The following PIK3C2B variants were observed in gnomAD, a reference collection of about 807,000 sequenced individuals.
PIK3C2B encodes the protein phosphatidylinositol-4-phosphate 3-kinase catalytic subunit type 2 beta, also known as phosphatidylinositol 4-phosphate 3-kinase C2 domain-containing subunit beta.
A neutral mutation model predicts 184.3 loss-of-function variants in PIK3C2B; 83 were observed. The ratio of observed to expected loss-of-function variants is 0.45; its 90% CI spans 0.38 to 0.54. The LOEUF (loss-of-function observed/expected upper bound fraction) is 0.54. PIK3C2B is among the 20% of genes least tolerant of loss of function. PIK3C2B has a pLI of 0.00. For missense variants in PIK3C2B, 1,736 were observed against 2,113.5 expected (o/e 0.82, Z 3.50); for synonymous variants, 779 against 837.6 (o/e 0.93, Z 1.21).
intron 1 of PIK3C2B, among the ~76,000 whole-genome samples, chr1:204,476,342 C>T (rs367962031): frequency 1.2e-4 from 18 of 151,900 alleles, no homozygotes; most frequent in African/African-American, 3.9e-4. Context: ...GAAGCCGAGG[C>T]GGGGGGATTG....
chr1:204,433,909 C>T lies in PIK3C2B; in HGVS notation c.3727G>A (p.Val1243Ile). The T allele has an allele frequency of 6.2e-7, 1 of 1,614,066 alleles. No individual in the cohort carries two copies. The highest frequency in any genetic ancestry group is 8.5e-7 in the Non-Finnish European group (1 of 1,179,978). ...GAAGGCTTGTCACCCCCGTTGATGA[C>T]ATACGCCATGTCCGAGGTGAAGACA... ...PFVFTSDMAY[V>I]INGGDKPSSR... Residue 1243 changes from valine to isoleucine, a missense_variant, in exon 25 of 33, where the codon GTC (valine) becomes ATC (isoleucine). Val to Ile is a conservative substitution (Grantham distance 29). Coordinates refer to ENST00000684373, the MANE Select transcript of PIK3C2B (RefSeq NM_001377334.1). The surrounding 1 kb of genome is among the most constrained non-coding windows in gnomAD (Gnocchi z 5.0).
rs1674604181 is a variant in PIK3C2B, at chr1:204,423,703, G to A, written c.*1149C>T. ...GACTAAATAGGTTTATGGCCCCACA[G>A]AATGAGGAAAAGTCTTATAAAAAGG... On this transcript the variant is annotated 3_prime_UTR_variant, in exon 33 of 33. Transcript: ENST00000684373. 6.6e-6 allele frequency: 1 copy of A among 152,656 alleles called. No individual in the cohort carries two copies. The allele number at this position is 152,656 out of a possible 1,614,324, so 9.5% of individuals were successfully genotyped here. A position where few individuals can be genotyped will look rare whatever the true frequency, so the allele number is the denominator to read the frequency against.
chr1:204,464,208 C>T, intron 4 of PIK3C2B, 76 bp from the exon 5 acceptor site: 2 of 1,529,970 alleles, frequency 1.3e-6, no homozygotes, highest in Non-Finnish European at 1.8e-6. Flanking sequence ...CACCCTGATC[C>T]CCCTTTCCAG....
intron 16 of PIK3C2B, among the ~76,000 whole-genome samples, chr1:204,445,406 C>A (rs1653765796): frequency 6.6e-6 from 1 of 151,930 alleles, no homozygotes; most frequent in Non-Finnish European, 1.5e-5. Flanking sequence ...CCAGCCTGGG[C>A]AACATAGTGA....
At chr1:204,428,453 T>C (rs1038225152) in intron 29 of PIK3C2B, among the ~76,000 whole-genome samples, 60 of 152,234 alleles carry the variant, frequency 3.9e-4, no homozygotes, top group African/African-American at 1.4e-3. Context: ...GTAGTTACTT[T>C]AAAAACAAGA....
At chr1:204,440,784 T>C (rs1558239770) in intron 21 of PIK3C2B, among the ~76,000 whole-genome samples, 1 of 149,398 alleles carries the variant, frequency 6.7e-6, no homozygotes, top group African/African-American at 2.5e-5. Context: ...TATATATATA[T>C]ATATTTTTAG....
intron 7 of PIK3C2B, 21 bp downstream of exon 7, chr1:204,460,303 C>G: frequency 1.9e-6 from 3 of 1,592,530 alleles, no homozygotes; most frequent in Non-Finnish European, 2.6e-6. Flanking sequence ...GGAGCACATC[C>G]AAGATGGTGC....
At chr1:204,432,427 T>C (rs748105963) in intron 26 of PIK3C2B, 26 bp from the exon 27 acceptor site, 24 of 1,604,876 alleles carry the variant, frequency 1.5e-5, no homozygotes, top group African/African-American at 2.7e-5. Flanking sequence ...GAAAAGAGGA[T>C]ATAACCATGA....
In PIK3C2B at chr1:204,469,900, G is replaced by A. The variant is rs571378289; in HGVS notation, c.-84-14C>T. On this transcript the variant is annotated splice_polypyrimidine_tract_variant and intron_variant, in intron 1 of 32. Transcript: ENST00000684373. ...GTGTCTGGGCGCCTGCAGGTGAGGGGTAAAAATATCAATCAGTCACAAAGA... is the reference window on the plus strand; with the variant it reads ...GTGTCTGGGCGCCTGCAGGTGAGGGATAAAAATATCAATCAGTCACAAAGA... 3.0e-5 allele frequency: 21 copies of A among 699,206 alleles called. No homozygotes were observed. The East Asian group carries it at 3.7e-4, about 12-fold the overall frequency. The allele number at this position is 699,206 out of a possible 1,614,324, so 43.3% of individuals were successfully genotyped here. A position where few individuals can be genotyped will look rare whatever the true frequency, so the allele number is the denominator to read the frequency against.
chr1:204,445,235 G>A (rs1340259542), intron 16 of PIK3C2B, among the ~76,000 whole-genome samples: 7 of 149,650 alleles, frequency 4.7e-5, no homozygotes, highest in Admixed American at 2.0e-4. Context: ...AACAAACATC[G>A]AGCTCTAGTT....
Position 204,444,299 on chromosome 1 carries a change from A to G in PIK3C2B, c.2772+32T>C, listed in dbSNP as rs770886146. ...CACTTGGGATACTGGGGATGGGACC[A>G]GCAAAACTGGAGGGAGGACCAATCC... On this transcript the variant is annotated intron_variant, in intron 17 of 32. Transcript: ENST00000684373. 3 of 1,579,040 alleles carry G rather than the reference A, an allele frequency of 1.9e-6. No homozygotes were observed. In the South Asian group the frequency reaches 3.3e-5, roughly 17 times the overall value.
chr1:204,440,999 T>C (rs1053075351), intron 21 of PIK3C2B, among the ~76,000 whole-genome samples: 5 of 152,198 alleles, frequency 3.3e-5, no homozygotes, highest in African/African-American at 1.2e-4. Flanking sequence ...GTCACATGCA[T>C]GTATTTTGTC....
At chr1:204,449,738 C>T (rs2103489386) in intron 13 of PIK3C2B, 112 bp downstream of exon 13, 1 of 973,690 alleles carries the variant, frequency 1.0e-6, no homozygotes, top group South Asian at 1.8e-5. Flanking sequence ...CCAGTGAGCC[C>T]CACATGGCCA....
intron 8 of PIK3C2B, among the ~76,000 whole-genome samples, chr1:204,458,549 A>G (rs1287904311): frequency 6.7e-6 from 1 of 150,314 alleles, no homozygotes; most frequent in Non-Finnish European, 1.5e-5. Flanking sequence ...GCTAGAGTGC[A>G]ATGGCGCGAT....
chr1:204,434,806 CTT>C (rs941598474), intron 23 of PIK3C2B, among the ~76,000 whole-genome samples, 198 bp from the exon 24 acceptor site: 1 of 152,198 alleles, frequency 6.6e-6, no homozygotes, highest in Non-Finnish European at 1.5e-5. Context: ...TCTCCCATGT[CTT>C]ATGGAAAAGA....
chr1:204,456,951 A>C, intron 10 of PIK3C2B, 86 bp downstream of exon 10: 5 of 1,108,642 alleles, frequency 4.5e-6, no homozygotes, highest in Non-Finnish European at 6.6e-6. Flanking sequence ...ACATAAATCA[A>C]GGGGCCCAGG....
At chr1:204,432,563 A>C (rs1348370630) in intron 26 of PIK3C2B, among the ~76,000 whole-genome samples, 162 bp from the exon 27 acceptor site, 1 of 152,164 alleles carries the variant, frequency 6.6e-6, no homozygotes, top group Non-Finnish European at 1.5e-5. Context: ...ACTGGCACAC[A>C]ATAATCTCAT....
At chr1:204,472,064 G>A (rs772804791) in intron 1 of PIK3C2B, among the ~76,000 whole-genome samples, 2 of 152,198 alleles carry the variant, frequency 1.3e-5, no homozygotes, top group South Asian at 2.1e-4. Flanking sequence ...AAGCCATGAC[G>A]TGAACAGAGT....
At position 204,464,431 on chromosome 1, in the gene PIK3C2B, T is replaced by G; in HGVS notation, c.1189+19A>C. 2 of 1,607,794 alleles carry G rather than the reference T, an allele frequency of 1.2e-6. No homozygotes were observed. The highest frequency in any genetic ancestry group is 1.7e-6 in the Non-Finnish European group (2 of 1,175,732). On this transcript the variant is annotated intron_variant, in intron 4 of 32. Transcript: ENST00000684373. ...CACTTCAAGGGATGCTCACATCCTC[T>G]CCCCCCTCACTAACTTACAGTTGCA...
Sources: gnomAD v4.1 joint callset for allele counts (sites outside exome capture counted in the v4.1 genomes callset) on GRCh38, gnomAD v4.1.1 for gene constraint, Gnocchi (gnomAD v3.1) non-coding constraint, MANE v1.5 for transcripts, NCBI Gene and HGNC (gene_info 2026-07-23, HGNC 2026-07-21) for gene names.